Variants in CFAP100 observed in about 807,000 individuals in gnomAD.
CFAP100 encodes cilia and flagella associated protein 100, also known as cilia- and flagella-associated protein 100.
Under a neutral mutation model 81.5 loss-of-function variants are expected in CFAP100, and 70 were observed. That is an observed-to-expected ratio of 0.86 (90% CI 0.71 to 1.05). The LOEUF is 1.05. CFAP100 is among the 50% of genes least tolerant of loss of function. CFAP100 has a pLI of 0.00. For missense variants in CFAP100, 811 were observed against 776.5 expected (o/e 1.04, Z -0.53); for synonymous variants, 341 against 314.8 (o/e 1.08, Z -0.88).
intron 14 of CFAP100, chr3:126,433,499 C>G: frequency 2.9e-6 from 1 of 348,602 alleles, no homozygotes; most frequent in Non-Finnish European, 5.3e-6. Flanking sequence ...GGGGAAGAGG[C>G]GTGTCCTCAA....
At chr3:126,401,048 C>T (rs2082971018) in intron 2 of CFAP100, among the ~76,000 whole-genome samples, 1 of 152,072 alleles carries the variant, frequency 6.6e-6, no homozygotes, top group Non-Finnish European at 1.5e-5. Flanking sequence ...TACAAATGAG[C>T]TGGGAAACCT....
intron 13 of CFAP100, among the ~76,000 whole-genome samples, chr3:126,430,050 T>A (rs75378592): frequency 0.038 from 5,836 of 152,328 alleles, 166 homozygotes; most frequent in Non-Finnish European, 0.059. Context: ...GCAGTTGTTG[T>A]ACATGATAAG....
chr3:126,431,663 G>A (rs1404426448), intron 13 of CFAP100, among the ~76,000 whole-genome samples: 4 of 152,126 alleles, frequency 2.6e-5, no homozygotes, highest in African/African-American at 9.7e-5. Flanking sequence ...TCTTGCTGAT[G>A]CTATTCCTCT....
chr3:126,428,852 A>C (rs1933065351), intron 13 of CFAP100, among the ~76,000 whole-genome samples: 1 of 152,098 alleles, frequency 6.6e-6, no homozygotes, highest in Non-Finnish European at 1.5e-5. Context: ...CACGCCTGTA[A>C]TCCCAGCACT....
chr3:126,431,255 G>A (rs1933212719), intron 13 of CFAP100, among the ~76,000 whole-genome samples: 4 of 152,134 alleles, frequency 2.6e-5, no homozygotes, highest in Non-Finnish European at 4.4e-5. Flanking sequence ...ATCAGCCCCT[G>A]TGCCTTTTAT....
At chr3:126,400,998 T>C (rs1157312909) in intron 2 of CFAP100, among the ~76,000 whole-genome samples, 1 of 152,212 alleles carries the variant, frequency 6.6e-6, no homozygotes, top group Non-Finnish European at 1.5e-5. Flanking sequence ...GGAGTGCTAT[T>C]CAGCCTCAAA....
intron 13 of CFAP100, 134 bp from the exon 14 acceptor site, chr3:126,432,935 G>C: frequency 1.1e-6 from 1 of 898,302 alleles, no homozygotes; most frequent in African/African-American, 1.7e-5. Flanking sequence ...GGCATGCAGA[G>C]ACTTGGCACC....
chr3:126,401,534 T>C (rs1281248926), intron 2 of CFAP100, among the ~76,000 whole-genome samples: 3 of 150,490 alleles, frequency 2.0e-5, no homozygotes, highest in Admixed American at 6.6e-5. Context: ...TTCCCAGCAG[T>C]GCTGAAATAG....
intron 8 of CFAP100, 73 bp from the exon 9 acceptor site, chr3:126,419,564 C>T (rs1343446997): frequency 2.8e-6 from 4 of 1,410,058 alleles, no homozygotes; most frequent in Non-Finnish European, 3.0e-6. Flanking sequence ...GGAGGGGTGG[C>T]CCCGGCATGG....
rs373731054 is a variant in CFAP100 at position 126,419,987 on chromosome 3, G to A, written c.921G>A (p.Gly307=). The change falls in exon 10 of 17, where the codon GGG becomes GGA. Residue 307 remains glycine (G), a synonymous_variant. Coordinates refer to ENST00000352312, the MANE Select transcript of CFAP100 (RefSeq NM_182628.3). ...VNSTPGDKGP[G]IKGKASSMWA... is the part of the protein sequence containing the mutation. ...CCCCTTTGCTTCCTGCAGGACCAGG[G>A]ATCAAGGGCAAGGCGAGCTCCATGT... 3 of 1,613,114 alleles carry A rather than the reference G, an allele frequency of 1.9e-6. No individual in the cohort carries two copies. The highest frequency in any genetic ancestry group is 4.5e-5 in the East Asian group (2 of 44,882).
rs542669509 is a variant in CFAP100 at position 126,432,278 on chromosome 3, G to A, written c.1287-791G>A. ...AGCCTGGGCGACTGAGCAAGACTCC[G>A]TCTCAAAAAAAAAAAAAAAAAAAAA... On this transcript the variant is annotated intron_variant, in intron 13 of 16. Transcript: ENST00000352312. Among the ~76,000 whole-genome samples the A allele has an allele frequency of 1.3e-4, 10 of 79,202 alleles. No homozygotes were observed. In the East Asian group the frequency reaches 2.3e-3, roughly 18 times the overall value. 52.0% of individuals were successfully genotyped at this position (79,202 alleles called of 152,430 possible).
chr3:126,434,170 C>T lies in CFAP100; in HGVS notation c.1423-6C>T. On this transcript the variant is annotated splice_region_variant and splice_polypyrimidine_tract_variant and intron_variant, in intron 14 of 16. Transcript: ENST00000352312. The stretch of plus-strand genomic sequence containing the variant: ...AGCACCCTGCTGGAAGCCACCTCCT[C>T]CACAGGATAAGCTGCTAGAGAGCCT... The T allele has an allele frequency of 6.2e-7, 1 of 1,600,496 alleles. No individual in the cohort carries two copies. Among genetic ancestry groups the T allele is most frequent in the Middle Eastern group, 1.7e-4 (1 of 5,770 alleles).
Position 126,423,350 on chromosome 3 carries a change from CAGG to C in CFAP100, c.1113_1115del (p.Glu371del), listed in dbSNP as rs1359225856. The C allele has an allele frequency of 3.7e-6, 6 of 1,613,582 alleles. No homozygotes were observed. Among genetic ancestry groups the C allele is most frequent in the African/African-American group, 1.3e-5 (1 of 74,908 alleles). On this transcript the variant is annotated inframe_deletion, in exon 12 of 17. Coordinates refer to ENST00000352312, the MANE Select transcript of CFAP100 (RefSeq NM_182628.3). Reference sequence around the variant, plus strand: ...GTCGAACTCTCCCATCCCCCCCACGCAGGAGGACACCGACAGCGATGGGGAGGT... The same window carrying C: ...GTCGAACTCTCCCATCCCCCCCACGCAGGACACCGACAGCGATGGGGAGGT...
At position 126,416,320 on chromosome 3, in the gene CFAP100, G is replaced by T. The variant is rs1477063171; in HGVS notation, c.230G>T (p.Arg77Leu). 1.3e-6 allele frequency: 2 copies of T among 1,582,778 alleles called. No homozygotes were observed. The highest frequency in any genetic ancestry group is 2.3e-5 in the South Asian group (2 of 88,622). Residue 77 changes from arginine (R) to leucine (L), a missense_variant, in exon 5 of 17, where the codon CGG (arginine) becomes CTG (leucine). Physicochemically the swap from Arg to Leu is moderately radical, Grantham distance 102 (BLOSUM62 -2). Coordinates refer to ENST00000352312, the MANE Select transcript of CFAP100 (RefSeq NM_182628.3). The stretch of plus-strand genomic sequence containing the variant: ...GACTTGGCCCGACGCCCCCAGGAAC[G>T]GCAGCAGCAGAAGACGATGCGGGTG... ...DQERNKALSERQQQKTMRVHQ... is the reference protein window; with the variant it reads ...DQERNKALSELQQQKTMRVHQ...
chr3:126,435,470 G>A (rs749746802), intron 15 of CFAP100, 89 bp from the exon 16 acceptor site: 39 of 1,027,942 alleles, frequency 3.8e-5, no homozygotes, highest in Admixed American at 3.5e-4. Context: ...TCTTGAGGGA[G>A]GACACGGCCT....
intron 3 of CFAP100, among the ~76,000 whole-genome samples, chr3:126,412,114 T>C (rs1278100476): frequency 2.6e-5 from 4 of 152,246 alleles, no homozygotes; most frequent in African/African-American, 9.6e-5. Flanking sequence ...ATTATTATCA[T>C]TCAATTCAAA....
chr3:126,410,300 C>G (rs1205755525), intron 3 of CFAP100, among the ~76,000 whole-genome samples: 1 of 152,174 alleles, frequency 6.6e-6, no homozygotes. Flanking sequence ...TCTTTAGTGA[C>G]CCCCAAGGTC....
At chr3:126,432,858 T>C (rs1933285721) in intron 13 of CFAP100, 1 of 437,022 alleles carries the variant, frequency 2.3e-6, no homozygotes, top group Non-Finnish European at 4.0e-6. Flanking sequence ...CTGTTTATTT[T>C]CTTTAATGTT....
At chr3:126,416,235 C>CCGGCCTCAGG in intron 4 of CFAP100, 81 bp from the exon 5 acceptor site, 4 of 1,298,194 alleles carry the variant, frequency 3.1e-6, no homozygotes, top group Non-Finnish European at 4.2e-6. Context: ...ACCCGCGTCC[C>CCGGCCTCAGG]TAGGAATGGG....
Sources: gnomAD v4.1 joint callset for allele counts (sites outside exome capture counted in the v4.1 genomes callset) on GRCh38, gnomAD v4.1.1 for gene constraint, MANE v1.5 for transcripts, NCBI Gene and HGNC (gene_info 2026-07-23, HGNC 2026-07-21) for gene names.